Variants in SALL1 observed in about 807,000 individuals in gnomAD.
SALL1 encodes spalt like transcription factor 1.
SALL1 carries 10 observed loss-of-function variants against 73.1 expected under a neutral mutation model. That is an observed-to-expected ratio of 0.14 (90% CI 0.08 to 0.23). The LOEUF (loss-of-function observed/expected upper bound fraction) is 0.23, where lower values mean the gene tolerates loss of function less well. Among genes scored for constraint, SALL1 ranks in the 10% least tolerant of loss-of-function variants. The pLI is 1.00. For synonymous variants in SALL1, 688 were observed against 689.8 expected (o/e 1.00, Z 0.04); for missense variants, 1,520 against 1,697.3 (o/e 0.90, Z 1.84).
At position 51,139,248 on chromosome 16, in the gene SALL1, A is replaced by G; in HGVS notation, c.2974T>C (p.Phe992Leu). ...TTTTTAAATTTACCCCGGTCTCTAA[A>G]AGGGAAGAGGATCCCCAAAGAATCT... ...KEDSLGILFP[F>L]RDRGKFKNTA... Residue 992 changes from phenylalanine to leucine, a missense_variant, in exon 2 of 3, where the codon TTT (phenylalanine) becomes CTT (leucine). By Grantham distance (22) the Phe-to-Leu change is conservative. Coordinates refer to ENST00000251020, the MANE Select transcript of SALL1 (RefSeq NM_002968.3). 1 of 1,614,186 alleles carries G rather than the reference A, an allele frequency of 6.2e-7. No individual in the cohort carries two copies. The highest frequency in any genetic ancestry group is 8.5e-7 in the Non-Finnish European group (1 of 1,180,026).
At chr16:51,150,357 G>C (rs1962578594) in intron 1 of SALL1, 2 of 968,792 alleles carry the variant, frequency 2.1e-6, no homozygotes, top group South Asian at 4.8e-5. Context: ...GGAGCACCAC[G>C]ATCCGCAGAG....
Position 51,140,257 on chromosome 16 carries a change from G to C in SALL1, c.1965C>G (p.Ala655=), listed in dbSNP as rs1242124744. 3 of 1,614,184 alleles carry C rather than the reference G, an allele frequency of 1.9e-6. No homozygotes were observed. In the East Asian group the frequency reaches 6.7e-5, roughly 36 times the overall value. The change falls in exon 2 of 3, where the codon GCC becomes GCG. Residue 655 remains alanine (A), a synonymous_variant. Coordinates refer to ENST00000251020, the MANE Select transcript of SALL1 (RefSeq NM_002968.3). This position sits in a 1 kb window ranked among gnomAD's most constrained non-coding sequence, Gnocchi z 5.7. Reference sequence around the variant, plus strand: ...GCAACAAAGGGTTGGTGAAGGTGGTGGCACTGCCCGCGGGGCCGCAGTCTG... The same window carrying C: ...GCAACAAAGGGTTGGTGAAGGTGGTCGCACTGCCCGCGGGGCCGCAGTCTG... ...PAADCGPAGS[A]TTFTNPLLPL... is the part of the protein sequence containing the mutation.
At chr16:51,145,028 C>T (rs954190237) in intron 1 of SALL1, among the ~76,000 whole-genome samples, 13 of 151,376 alleles carry the variant, frequency 8.6e-5, no homozygotes, top group African/African-American at 3.2e-4. Context: ...GGTGTCGCTA[C>T]ACTGCAATAA....
At position 51,139,212 on chromosome 16, in the gene SALL1, C is replaced by G; in HGVS notation, c.3010G>C (p.Asp1004His). 6.2e-7 allele frequency: 1 copy of G among 1,614,182 alleles called. No homozygotes were observed. Among genetic ancestry groups the G allele is most frequent in the Non-Finnish European group, 8.5e-7 (1 of 1,180,040 alleles). The change falls in exon 2 of 3, where the codon GAC becomes CAC. Residue 1004 changes from aspartate to histidine, a missense_variant. Physicochemically the swap from Asp to His is moderately conservative, Grantham distance 81. Coordinates refer to ENST00000251020, the MANE Select transcript of SALL1 (RefSeq NM_002968.3). ...CAAGCAAATGTTTTGCCACAAATGT[C>G]ACAAGCAGTGTTTTTAAATTTACCC... ...DRGKFKNTACDICGKTFACQS... is the reference protein window; with the variant it reads ...DRGKFKNTACHICGKTFACQS...
rs1480150950 is a variant in SALL1 at position 51,150,673 on chromosome 16, G to A, written c.76+493C>T. The A allele has an allele frequency of 8.4e-6, 6 of 718,156 alleles. No individual in the cohort carries two copies. The South Asian group carries it at 2.5e-4, about 30-fold the overall frequency. 44.5% of individuals were successfully genotyped at this position (718,156 alleles called of 1,614,324 possible). The stretch of plus-strand genomic sequence containing the variant: ...GGGCGCAGCGAACTCCCCCACGCTC[G>A]GAGTTCAGCCCAGCGCCCGAAGTAA... On this transcript the variant is annotated intron_variant, in intron 1 of 2. Coordinates refer to ENST00000251020, the MANE Select transcript of SALL1 (RefSeq NM_002968.3).
intron 2 of SALL1, among the ~76,000 whole-genome samples, chr16:51,138,261 G>A (rs28706375): frequency 0.028 from 4,224 of 152,256 alleles, 197 homozygotes; most frequent in African/African-American, 0.089. Context: ...GGACTGCATA[G>A]TTATGAAAAA....
At chr16:51,144,569 A>T (rs1019971156) in intron 1 of SALL1, among the ~76,000 whole-genome samples, 1 of 152,232 alleles carries the variant, frequency 6.6e-6, no homozygotes, top group African/African-American at 2.4e-5. Context: ...TGCTTCAAAT[A>T]TTTAGCACAT....
At chr16:51,148,378 A>G (rs1962548282) in intron 1 of SALL1, among the ~76,000 whole-genome samples, 1 of 152,394 alleles carries the variant, frequency 6.6e-6, no homozygotes, top group East Asian at 1.9e-4. Flanking sequence ...TGAGGTGCTG[A>G]TAAATGAGAA....
At position 51,137,307 on chromosome 16, in the gene SALL1, G is replaced by C. The variant is rs1315347179; in HGVS notation, c.3780C>G (p.Ile1260Met). 1.9e-6 allele frequency: 3 copies of C among 1,614,016 alleles called. No individual in the cohort carries two copies. In the African/African-American group the frequency reaches 4.0e-5, roughly 22 times the overall value. ...TGCCGAGGCTTCCAGGAATTGGAGGGATGCCACCGTTCTGAATGACGGAGA... is the reference window on the plus strand; with the variant it reads ...TGCCGAGGCTTCCAGGAATTGGAGGCATGCCACCGTTCTGAATGACGGAGA... ...NEISVIQNGG[I>M]PPIPGSLGSG... Residue 1260 changes from isoleucine (I) to methionine (M), a missense_variant, in exon 3 of 3, where the codon ATC (isoleucine) becomes ATG (methionine). By Grantham distance (10) the Ile-to-Met change is conservative. Transcript: ENST00000251020.
chr16:51,137,997 C>A (rs1401884631), intron 2 of SALL1, among the ~76,000 whole-genome samples: 4 of 152,122 alleles, frequency 2.6e-5, no homozygotes, highest in Non-Finnish European at 5.9e-5. Flanking sequence ...CCCTGATTGC[C>A]CATTGGAGGG....
At position 51,140,783 on chromosome 16, in the gene SALL1, T is replaced by C; in HGVS notation, c.1439A>G (p.Asn480Ser). The C allele has an allele frequency of 6.2e-7, 1 of 1,614,204 alleles. No homozygotes were observed. Among genetic ancestry groups the C allele is most frequent in the Non-Finnish European group, 8.5e-7 (1 of 1,180,034 alleles). The change falls in exon 2 of 3, where the codon AAC becomes AGC. Residue 480 changes from asparagine to serine, a missense_variant. Coordinates refer to ENST00000251020, the MANE Select transcript of SALL1 (RefSeq NM_002968.3). This position sits in a 1 kb window ranked among gnomAD's most constrained non-coding sequence, Gnocchi z 5.7. ...GGTGGAGAACCTGTTCCCGCAGATG[T>C]TGCACTTGAATGGCCTCTCTCCGGT... ...SHTGERPFKCNICGNRFSTKG... is the reference protein window; with the variant it reads ...SHTGERPFKCSICGNRFSTKG...
At position 51,137,285 on chromosome 16, in the gene SALL1, C is replaced by T. The variant is rs764123321; in HGVS notation, c.3802G>A (p.Gly1268Ser). 2.2e-5 allele frequency: 36 copies of T among 1,613,914 alleles called. No homozygotes were observed. The highest frequency in any genetic ancestry group is 1.6e-4 in the Middle Eastern group (1 of 6,084). ...CTAACAGGTGAGCTGTTCCCACTGC[C>T]GAGGCTTCCAGGAATTGGAGGGATG... ...GGIPPIPGSL[G>S]SGNSSPVSGL... Residue 1268 changes from glycine to serine, a missense_variant, in exon 3 of 3, where the codon GGC becomes AGC. Gly to Ser is a moderately conservative substitution (Grantham distance 56). This residue lies in a region of SALL1 where 318 missense variants were observed against 357.1 expected (regional missense o/e 0.89). Coordinates refer to ENST00000251020, the MANE Select transcript of SALL1 (RefSeq NM_002968.3).
chr16:51,147,713 G>A, intron 1 of SALL1, among the ~76,000 whole-genome samples: 1 of 151,366 alleles, frequency 6.6e-6, no homozygotes, highest in Non-Finnish European at 1.5e-5. Flanking sequence ...TAAATGAATG[G>A]AGTCTAAATG....
Position 51,140,493 on chromosome 16 carries a change from G to A in SALL1, c.1729C>T (p.Pro577Ser). 6.2e-7 allele frequency: 1 copy of A among 1,613,946 alleles called. No individual in the cohort carries two copies. Residue 577 changes from proline (P) to serine (S), a missense_variant, in exon 2 of 3, where the codon CCC (proline) becomes TCC (serine). Around this residue, in one of 7 missense-constraint regions of SALL1, gnomAD observed 276 missense variants for 259.1 expected, o/e 1.07. Transcript: ENST00000251020. The surrounding 1 kb of genome is among the most constrained non-coding windows in gnomAD (Gnocchi z 5.7). Reference sequence around the variant, plus strand: ...GTGGCAGAATGGCTGATGGGGATGGGGGCTGGCTCTTCCGTCTTGATGAAG... The same window carrying A: ...GTGGCAGAATGGCTGATGGGGATGGAGGCTGGCTCTTCCGTCTTGATGAAG... Reference protein sequence around the residue: ...IPFIKTEEPAPIPISHSATSP... With the variant: ...IPFIKTEEPASIPISHSATSP...
rs760725468 is a variant in SALL1, at chr16:51,137,461, T to C, written c.3626A>G (p.Asn1209Ser). 17 of 1,613,836 alleles carry C rather than the reference T, an allele frequency of 1.1e-5. No individual in the cohort carries two copies. The highest frequency in any genetic ancestry group is 1.6e-4 in the Middle Eastern group (1 of 6,084). The change falls in exon 3 of 3, where the codon AAT becomes AGT. Residue 1209 changes from asparagine to serine, a missense_variant. This residue lies in a region of SALL1 where 318 missense variants were observed against 357.1 expected (regional missense o/e 0.89). Coordinates refer to ENST00000251020, the MANE Select transcript of SALL1 (RefSeq NM_002968.3). ...VDGPMTFLGG[N>S]PVKFPEMFQK... ...GAACATTTCTGGGAACTTGACGGGA[T>C]TGCCTCCTAGAAATGTCATGGGGCC...
chr16:51,136,895 C>T lies in SALL1; in HGVS notation c.*217G>A. On this transcript the variant is annotated 3_prime_UTR_variant, in exon 3 of 3. Coordinates refer to ENST00000251020, the MANE Select transcript of SALL1 (RefSeq NM_002968.3). Reference sequence around the variant, plus strand: ...TACAGAAGACCAAAGTTAACGCTTGCATTCTGTTTGCAAAGCAAGGTTATA... The same window carrying T: ...TACAGAAGACCAAAGTTAACGCTTGTATTCTGTTTGCAAAGCAAGGTTATA... The T allele has an allele frequency of 1.7e-6, 1 of 575,054 alleles. No homozygotes were observed. Among genetic ancestry groups the T allele is most frequent in the Non-Finnish European group, 3.1e-6 (1 of 322,892 alleles). The allele number at this position is 575,054 out of a possible 1,614,324, so 35.6% of individuals were successfully genotyped here. A position where few individuals can be genotyped will look rare whatever the true frequency, so the allele number is the denominator to read the frequency against.
At chr16:51,149,374 G>A (rs1962562614) in intron 1 of SALL1, 2 of 152,048 alleles carry the variant, frequency 1.3e-5, no homozygotes, top group African/African-American at 2.4e-5. Flanking sequence ...CAGTTTTCCG[G>A]TGCAAAAGGT....
intron 2 of SALL1, 31 bp from the exon 3 acceptor site, chr16:51,137,583 AG>A (rs776400209): frequency 3.3e-6 from 3 of 906,980 alleles, no homozygotes; most frequent in Non-Finnish European, 1.6e-6. Flanking sequence ...GCAGAGAGAC[AG>A]AGAGAGAGAG....
chr16:51,142,180 G>A (rs1430474409), intron 1 of SALL1, 35 bp from the exon 2 acceptor site: 1 of 1,514,008 alleles, frequency 6.6e-7, no homozygotes, highest in South Asian at 1.1e-5. Context: ...ATTAGAAAAG[G>A]GGCCAGGACA....
Sources: allele counts gnomAD v4.1 joint callset (sites outside exome capture counted in the v4.1 genomes callset), GRCh38; gene constraint gnomAD v4.1.1; regional missense constraint gnomAD v4.1.1; non-coding constraint Gnocchi (gnomAD v3.1); transcripts MANE v1.5; gene names NCBI Gene and HGNC (gene_info 2026-07-23, HGNC 2026-07-21).